Variants in MSI2 observed in about 807,000 individuals in gnomAD.
MSI2 encodes musashi RNA binding protein 2.
MSI2 carries 17 observed loss-of-function variants against 45.6 expected under a neutral mutation model. The observed-to-expected ratio is 0.37, with a 90% CI of 0.26 to 0.56. MSI2 has a LOEUF of 0.56. Ranked by LOEUF, MSI2 falls within the 20% of genes least tolerant of loss-of-function variation. The pLI, the probability that MSI2 is intolerant of heterozygous loss-of-function variation, is 0.77. For missense variants in MSI2, 293 were observed against 444.2 expected (o/e 0.66, Z 3.06); for synonymous variants, 156 against 158.2 (o/e 0.99, Z 0.11).
intron 11 of MSI2, among the ~76,000 whole-genome samples, chr17:57,655,288 AGTTT>A (rs957046457): frequency 4.0e-5 from 6 of 151,734 alleles, no homozygotes; most frequent in Admixed American, 2.6e-4. Context: ...CTCAGTCGAG[AGTTT>A]GTTTGTTTAT....
At chr17:57,365,026 T>C (rs1007469654) in intron 5 of MSI2, 4 of 152,228 alleles carry the variant, frequency 2.6e-5, no homozygotes, top group African/African-American at 9.7e-5. Context: ...CAAAAACCTC[T>C]GTTTTTCAGA....
chr17:57,262,450 CA>C (rs1325945567), intron 5 of MSI2: 1 of 410,342 alleles, frequency 2.4e-6, no homozygotes, highest in East Asian at 3.6e-5. Context: ...CCATCGACTG[CA>C]GTATTTTTTG....
At chr17:57,370,186 C>T (rs966795850) in intron 5 of MSI2, among the ~76,000 whole-genome samples, 2 of 152,164 alleles carry the variant, frequency 1.3e-5, no homozygotes, top group Non-Finnish European at 2.9e-5. Context: ...GAAGGGGAAT[C>T]TGTGTGTTCT....
chr17:57,400,714 C>T (rs1050041204), intron 5 of MSI2, among the ~76,000 whole-genome samples: 2 of 151,832 alleles, frequency 1.3e-5, no homozygotes, highest in East Asian at 1.9e-4. Context: ...TACAACTTGC[C>T]GTAGTTAGGT....
At chr17:57,395,782 G>A (rs188179584) in intron 5 of MSI2, among the ~76,000 whole-genome samples, 7 of 152,326 alleles carry the variant, frequency 4.6e-5, no homozygotes, top group Admixed American at 1.3e-4. Context: ...TTCTGAATTT[G>A]GTGAGCACTT....
At chr17:57,425,217 C>T (rs775839273) in intron 6 of MSI2, among the ~76,000 whole-genome samples, 1 of 152,198 alleles carries the variant, frequency 6.6e-6, no homozygotes, top group Non-Finnish European at 1.5e-5. Context: ...TGGGACTCAG[C>T]TGCTGGGATC....
chr17:57,358,205 G>T (rs1420264334), intron 5 of MSI2, among the ~76,000 whole-genome samples: 1 of 135,686 alleles, frequency 7.4e-6, no homozygotes, highest in African/African-American at 2.6e-5. Flanking sequence ...GTGTGGGGGG[G>T]TGTGTGTGTG....
At chr17:57,667,996 C>T (rs1317100369) in intron 11 of MSI2, among the ~76,000 whole-genome samples, 1 of 152,134 alleles carries the variant, frequency 6.6e-6, no homozygotes, top group Non-Finnish European at 1.5e-5. Context: ...GTCAGGAGTT[C>T]GAGACCAACC....
intron 5 of MSI2, among the ~76,000 whole-genome samples, chr17:57,358,194 TGTGTGGGGGG>T (rs1414598422): frequency 2.0e-4 from 14 of 69,984 alleles, no homozygotes; most frequent in South Asian, 1.1e-3. Flanking sequence ...TTTTTCTGTG[TGTGTGGGGGG>T]GTGTGTGTGT....
At chr17:57,524,984 T>A (rs923813418) in intron 6 of MSI2, among the ~76,000 whole-genome samples, 2 of 152,158 alleles carry the variant, frequency 1.3e-5, no homozygotes, top group Non-Finnish European at 2.9e-5. Flanking sequence ...TACTACTGAA[T>A]CAGTCACTCT....
chr17:57,657,103 C>T (rs540037515), intron 11 of MSI2, among the ~76,000 whole-genome samples: 4 of 152,256 alleles, frequency 2.6e-5, no homozygotes, highest in East Asian at 1.9e-4. Flanking sequence ...CCCAGGAAAA[C>T]GTCGGAGTCC....
intron 10 of MSI2, among the ~76,000 whole-genome samples, chr17:57,645,924 A>T (rs901792496): frequency 6.6e-6 from 1 of 152,146 alleles, no homozygotes; most frequent in Non-Finnish European, 1.5e-5. Flanking sequence ...TGCTGGATGA[A>T]TCATGCCCCT....
chr17:57,487,511 T>TGGCCTC (rs2085779535), intron 6 of MSI2, among the ~76,000 whole-genome samples: 1 of 152,190 alleles, frequency 6.6e-6, no homozygotes. Context: ...CCTTCAGCCT[T>TGGCCTC]GGCCTCCTCT....
chr17:57,653,411 T>A (rs1376938707), intron 11 of MSI2, among the ~76,000 whole-genome samples: 1 of 152,084 alleles, frequency 6.6e-6, no homozygotes, highest in African/African-American at 2.4e-5. Flanking sequence ...TGGGGCCCCC[T>A]TCCTGAGCTT....
intron 11 of MSI2, among the ~76,000 whole-genome samples, chr17:57,667,917 G>A (rs1292232066): frequency 6.6e-6 from 1 of 152,204 alleles, no homozygotes; most frequent in African/African-American, 2.4e-5. Flanking sequence ...ACACCAGGAG[G>A]GCCAGGCACA....
chr17:57,689,265 G>GTATCACTT (rs1343204831), downstream of MSI2, among the ~76,000 whole-genome samples: 1 of 152,094 alleles, frequency 6.6e-6, no homozygotes, highest in South Asian at 2.1e-4. Flanking sequence ...TAGAAAATAT[G>GTATCACTT]TATCACTTTT....
intron 10 of MSI2, among the ~76,000 whole-genome samples, chr17:57,635,449 G>A (rs562131279): frequency 6.6e-6 from 1 of 152,232 alleles, no homozygotes; most frequent in East Asian, 1.9e-4. Context: ...TCCCTGCGTG[G>A]GGCTGGCTGG....
chr17:57,343,802 A>C (rs892467364), intron 5 of MSI2, among the ~76,000 whole-genome samples: 3 of 152,104 alleles, frequency 2.0e-5, no homozygotes, highest in African/African-American at 7.2e-5. Context: ...CTTTTATGAC[A>C]TTGCCATTTA....
At chr17:57,283,728 C>G (rs941960972) in intron 5 of MSI2, among the ~76,000 whole-genome samples, 1 of 152,234 alleles carries the variant, frequency 6.6e-6, no homozygotes, top group African/African-American at 2.4e-5. Context: ...GGTGCTTAGT[C>G]TGGGATGAAC....
Sources: allele counts gnomAD v4.1 joint callset (sites outside exome capture counted in the v4.1 genomes callset), GRCh38; gene constraint gnomAD v4.1.1; transcripts MANE v1.5; gene names NCBI Gene and HGNC (gene_info 2026-07-23, HGNC 2026-07-21).